Variants in SLC12A7 observed in about 807,000 individuals in gnomAD.
SLC12A7 encodes solute carrier family 12 member 7.
SLC12A7 carries 100 observed loss-of-function variants against 120.6 expected under a neutral mutation model. The observed-to-expected ratio is 0.83, with a 90% CI of 0.71 to 0.98. SLC12A7 has a LOEUF of 0.98. Ranked by LOEUF, SLC12A7 falls within the 50% of genes least tolerant of loss-of-function variation. SLC12A7 has a pLI of 0.00. For synonymous variants in SLC12A7, 760 were observed against 678.0 expected, an observed-to-expected ratio of 1.12 and a Z score of -1.88; for missense variants, 1,373 against 1,548.1, an observed-to-expected ratio of 0.89 and a Z score of 1.90.
chr5:1,074,747 G>T, intron 15 of SLC12A7, 76 bp from the exon 16 acceptor site: 2 of 1,390,574 alleles, frequency 1.4e-6, no homozygotes, highest in Non-Finnish European at 2.0e-6. Flanking sequence ...GGGGACTTCT[G>T]GGGGCAGGTG....
At chr5:1,065,749 C>G (rs1736985817) in intron 17 of SLC12A7, among the ~76,000 whole-genome samples, 1 of 152,120 alleles carries the variant, frequency 6.6e-6, no homozygotes, top group South Asian at 2.1e-4. Flanking sequence ...GGACACAACG[C>G]CAGGCAGTTC....
At chr5:1,060,551 G>C in intron 20 of SLC12A7, 100 bp from the exon 21 acceptor site, 1 of 888,684 alleles carries the variant, frequency 1.1e-6, no homozygotes, top group Non-Finnish European at 1.8e-6. Flanking sequence ...CCTGAGCGGT[G>C]GGAAAGGCCA....
chr5:1,133,493 C>T, the SLC12A7 span, among the ~76,000 whole-genome samples: 2 of 152,096 alleles, frequency 1.3e-5, no homozygotes, highest in Non-Finnish European at 2.9e-5. Flanking sequence ...CTGTTCTTTC[C>T]GTCGACAGGA....
chr5:1,143,397 C>T, the SLC12A7 span, among the ~76,000 whole-genome samples: 1 of 152,228 alleles, frequency 6.6e-6, no homozygotes, highest in African/African-American at 2.4e-5. Context: ...CTATTCATGG[C>T]CCGCAGACGG....
Position 1,060,347 on chromosome 5 carries a change from TC to T in SLC12A7, c.2843del (p.Arg948GlnfsTer5), listed in dbSNP as rs1363884216. On this transcript the variant is annotated frameshift_variant, in exon 21 of 24. Coordinates refer to ENST00000264930, the MANE Select transcript of SLC12A7 (RefSeq NM_006598.3). LOFTEE classifies it high-confidence loss of function. The stretch of plus-strand genomic sequence containing the variant: ...TGTGGCCACGGCCCCCACGTACCTC[TC>T]GCTCCTGCTCGTTCTTGGACAGCTG... Reference protein sequence around the residue: ...QMQLSKNEQEREAQLIHDRNT... With the variant: ...QMQLSKNEQEXEAQLIHDRNT... The T allele has an allele frequency of 9.9e-6, 16 of 1,612,320 alleles. No individual in the cohort carries two copies. The highest frequency in any genetic ancestry group is 1.4e-5 in the Non-Finnish European group (16 of 1,178,950).
chr5:1,073,403 T>C (rs1737923176), intron 17 of SLC12A7, among the ~76,000 whole-genome samples: 1 of 152,206 alleles, frequency 6.6e-6, no homozygotes, highest in Non-Finnish European at 1.5e-5. Context: ...GTCCCAGGGT[T>C]CGCCCTTGGA....
At chr5:1,075,748 T>C in intron 14 of SLC12A7, 5 of 528,458 alleles carry the variant, frequency 9.5e-6, no homozygotes, top group East Asian at 3.0e-5. Context: ...ACCTCGGCTG[T>C]GCATGCAACA....
At chr5:1,115,897 C>T (rs1743301979), upstream of SLC12A7, among the ~76,000 whole-genome samples, 2 of 136,218 alleles carry the variant, frequency 1.5e-5, no homozygotes, top group Non-Finnish European at 1.5e-5. Flanking sequence ...AAGGGAGGCC[C>T]CAGTTACCCA....
the SLC12A7 span, among the ~76,000 whole-genome samples, chr5:1,127,923 C>T: frequency 1.3e-5 from 2 of 152,290 alleles, no homozygotes; most frequent in South Asian, 4.1e-4. Context: ...AGATAAAGCA[C>T]GAGGAGATGC....
At chr5:1,137,498 G>C in the SLC12A7 span, among the ~76,000 whole-genome samples, 1 of 152,134 alleles carries the variant, frequency 6.6e-6, no homozygotes, top group Non-Finnish European at 1.5e-5. Context: ...TTCAGCTCCA[G>C]CTACACCTTC....
chr5:1,083,671 G>C, intron 8 of SLC12A7, 74 bp downstream of exon 8: 1 of 1,477,748 alleles, frequency 6.8e-7, no homozygotes, highest in Non-Finnish European at 9.3e-7. Flanking sequence ...ACTCTAAGGC[G>C]AGAGCAGCCA....
intron 8 of SLC12A7, among the ~76,000 whole-genome samples, chr5:1,081,986 C>A (rs1739177121): frequency 1.3e-5 from 2 of 149,386 alleles, no homozygotes; most frequent in South Asian, 4.2e-4. Context: ...GAACAACATA[C>A]TCCTGGAAAG....
rs560149968 is a variant in SLC12A7, at chr5:1,099,682, T to C, written c.125-5434A>G. 7.9e-5 allele frequency among the ~76,000 whole-genome samples: 12 copies of C among 152,344 alleles called. No individual in the cohort carries two copies. In the South Asian group the frequency reaches 2.5e-3, roughly 32 times the overall value. On this transcript the variant is annotated intron_variant, in intron 1 of 23. Transcript: ENST00000264930. ...CTGAACTCACCTCACAGAAGCCCTGTAAAGGCCGGCTCCTTTCACATTGTA... is the reference window on the plus strand; with the variant it reads ...CTGAACTCACCTCACAGAAGCCCTGCAAAGGCCGGCTCCTTTCACATTGTA...
chr5:1,052,108 C>T lies in SLC12A7; in HGVS notation c.*252G>A, dbSNP rs930420699. 2.9e-5 allele frequency: 16 copies of T among 560,952 alleles called. No individual in the cohort carries two copies. Among genetic ancestry groups the T allele is most frequent in the African/African-American group, 3.8e-5 (2 of 52,942 alleles). The allele number at this position is 560,952 out of a possible 1,614,324, so 34.7% of individuals were successfully genotyped here. A position where few individuals can be genotyped will look rare whatever the true frequency, so the allele number is the denominator to read the frequency against. On this transcript the variant is annotated 3_prime_UTR_variant, in exon 24 of 24. Coordinates refer to ENST00000264930, the MANE Select transcript of SLC12A7 (RefSeq NM_006598.3). ...AGATCTGGCCACGTCCAGGTCACTC[C>T]GGTAGCAGCGTCTGCCCTCAGATGC...
intron 1 of SLC12A7, among the ~76,000 whole-genome samples, chr5:1,111,020 G>A (rs1478623411): frequency 6.6e-6 from 1 of 152,240 alleles, no homozygotes; most frequent in East Asian, 1.9e-4. Flanking sequence ...CCAGGGAGCA[G>A]GGAGGCTGCC....
At chr5:1,057,415 G>A in intron 22 of SLC12A7, 56 bp downstream of exon 22, 2 of 1,525,352 alleles carry the variant, frequency 1.3e-6, no homozygotes, top group East Asian at 2.3e-5. Context: ...TGTCCTCACT[G>A]CCGGGCCAGC....
At chr5:1,139,594 G>T in the SLC12A7 span, among the ~76,000 whole-genome samples, 1 of 152,254 alleles carries the variant, frequency 6.6e-6, no homozygotes, top group African/African-American at 2.4e-5. Flanking sequence ...GCCCTAGCGG[G>T]TGTGGGTGCC....
chr5:1,102,141 G>A (rs912159034), intron 1 of SLC12A7, among the ~76,000 whole-genome samples: 1 of 152,216 alleles, frequency 6.6e-6, no homozygotes, highest in African/African-American at 2.4e-5. Context: ...CCCCGAGAGG[G>A]AAGGAGGCGG....
At chr5:1,129,702 GA>G in the SLC12A7 span, among the ~76,000 whole-genome samples, 3 of 151,930 alleles carry the variant, frequency 2.0e-5, no homozygotes, top group East Asian at 5.8e-4. Flanking sequence ...CTGTTTCACG[GA>G]AAAAGTCACA....
Sources: gnomAD v4.1 joint callset for allele counts (sites outside exome capture counted in the v4.1 genomes callset) on GRCh38, gnomAD v4.1.1 for gene constraint, MANE v1.5 for transcripts, NCBI Gene and HGNC (gene_info 2026-07-23, HGNC 2026-07-21) for gene names.